The following PCDHGA4 variants were observed in gnomAD, a reference collection of about 807,000 sequenced individuals.
The protein encoded by PCDHGA4 is protocadherin gamma subfamily A, 4.
In PCDHGA4, 38 loss-of-function variants were observed where a neutral mutation model predicts 54.6. That is an observed-to-expected ratio of 0.70 (90% CI 0.54 to 0.91). PCDHGA4 has a LOEUF of 0.91. Among genes scored for constraint, PCDHGA4 ranks in the 40% least tolerant of loss-of-function variants. PCDHGA4 has a pLI of 0.00. For synonymous variants in PCDHGA4, 511 were observed against 512.9 expected (o/e 1.00, Z 0.05); for missense variants, 1,298 against 1,220.9 (o/e 1.06, Z -0.94).
At chr5:141,428,099 C>G (rs1304120001) in intron 1 of PCDHGA4, 4 of 1,608,710 alleles carry the variant, frequency 2.5e-6, no homozygotes, top group Non-Finnish European at 2.5e-6. Flanking sequence ...TGTCCTACCA[C>G]GTGCTGCAGG....
At chr5:141,375,323 G>A in intron 1 of PCDHGA4, 1 of 1,613,814 alleles carries the variant, frequency 6.2e-7, no homozygotes, top group Non-Finnish European at 8.5e-7. Context: ...AGACCGGGAA[G>A]AGGTATTCTT....
At chr5:141,371,504 AAC>A (rs780003626) in intron 1 of PCDHGA4, 7 of 1,613,916 alleles carry the variant, frequency 4.3e-6, no homozygotes, top group Non-Finnish European at 5.9e-6. Context: ...CCCTGATCAA[AAC>A]ACATGATCTA....
At chr5:141,423,084 G>C (rs1427825232) in intron 1 of PCDHGA4, 2 of 1,613,942 alleles carry the variant, frequency 1.2e-6, no homozygotes, top group Non-Finnish European at 1.7e-6. Flanking sequence ...GACTCTTCGC[G>C]GTGGGGGAGC....
chr5:141,403,051 C>G (rs1273209859), intron 1 of PCDHGA4: 1 of 1,614,086 alleles, frequency 6.2e-7, no homozygotes, highest in African/African-American at 1.3e-5. Flanking sequence ...AGATTCGCTA[C>G]TCAGTGCCTG....
intron 2 of PCDHGA4, among the ~76,000 whole-genome samples, chr5:141,498,789 C>T (rs1302940884): frequency 6.6e-6 from 1 of 151,980 alleles, no homozygotes; most frequent in Non-Finnish European, 1.5e-5. Context: ...AAATATTAGC[C>T]AGGTGTGGTG....
intron 1 of PCDHGA4, among the ~76,000 whole-genome samples, chr5:141,469,045 G>C (rs35157158): frequency 1.4e-3 from 207 of 152,234 alleles, no homozygotes; most frequent in Middle Eastern, 0.01. Flanking sequence ...GGGAGGCCAA[G>C]GTGGGAGGAT....
Position 141,485,193 on chromosome 5 carries a change from G to C in PCDHGA4, c.2515-9614G>C. 1 of 1,613,988 alleles carries C rather than the reference G, an allele frequency of 6.2e-7. No individual in the cohort carries two copies. Among genetic ancestry groups the C allele is most frequent in the Non-Finnish European group, 8.5e-7 (1 of 1,179,852 alleles). On this transcript the variant is annotated intron_variant, in intron 1 of 3. Transcript: ENST00000571252. This position sits in a 1 kb window ranked among gnomAD's most constrained non-coding sequence, Gnocchi z 5.7. ...GCAGCAATGCTCCGCAAGGTGAGAA[G>C]CTGGACAGAAATCTGGCGGTGGGCT...
chr5:141,467,897 A>G (rs1403276382), intron 1 of PCDHGA4, among the ~76,000 whole-genome samples: 1 of 152,056 alleles, frequency 6.6e-6, no homozygotes, highest in Non-Finnish European at 1.5e-5. Flanking sequence ...GAGCTCAAGA[A>G]ATCCGCCCAC....
rs1463716042 is a variant in PCDHGA4 at position 141,511,338 on chromosome 5, T to C, written c.*165T>C. 42 of 1,429,834 alleles carry C rather than the reference T, an allele frequency of 2.9e-5. No homozygotes were observed. The highest frequency in any genetic ancestry group is 3.9e-5 in the Non-Finnish European group (42 of 1,075,502). 88.6% of individuals were successfully genotyped at this position (1,429,834 alleles called of 1,614,324 possible). A position where few individuals can be genotyped will look rare whatever the true frequency, so the allele number is the denominator to read the frequency against. On this transcript the variant is annotated 3_prime_UTR_variant, in exon 4 of 4. Coordinates refer to ENST00000571252, the MANE Select transcript of PCDHGA4 (RefSeq NM_018917.4). ...CAGAAACAAGTGCCCAGTCAGCACC[T>C]ACCCCTTCCCCCCCAGGGGGTTGAA... is the stretch of plus-strand genomic sequence containing the variant.
At chr5:141,391,562 C>T (rs927673920) in intron 1 of PCDHGA4, 2 of 152,064 alleles carry the variant, frequency 1.3e-5, no homozygotes, top group Non-Finnish European at 1.5e-5. Flanking sequence ...TTTCCATATG[C>T]ATAAGAAAAT....
chr5:141,361,413 CG>C (rs1007927822), intron 1 of PCDHGA4: 3 of 1,613,902 alleles, frequency 1.9e-6, no homozygotes, highest in South Asian at 2.2e-5. Context: ...CAGCCACCGA[CG>C]GGGGCAAGCC....
At chr5:141,408,052 C>G in intron 1 of PCDHGA4, 1 of 1,283,102 alleles carries the variant, frequency 7.8e-7, no homozygotes, top group Non-Finnish European at 1.0e-6. Flanking sequence ...CACACAGAGC[C>G]TCCCGGCTGC....
rs150878327 is a variant in PCDHGA4 at position 141,438,347 on chromosome 5, C to A, written c.2515-56460C>A. On this transcript the variant is annotated intron_variant, in intron 1 of 3. Coordinates refer to ENST00000571252, the MANE Select transcript of PCDHGA4 (RefSeq NM_018917.4). ...CTTATACATGTCATATAAGGATCTACTCTGTGTATTGTCATTGAGGGCAGA... is the reference window on the plus strand; with the variant it reads ...CTTATACATGTCATATAAGGATCTAATCTGTGTATTGTCATTGAGGGCAGA... Among the ~76,000 whole-genome samples the A allele has an allele frequency of 3.9e-3, 588 of 151,848 alleles. 6 individuals are homozygous for A. Among genetic ancestry groups the A allele is most frequent in the Admixed American group, 0.011 (169 of 15,256 alleles).
chr5:141,427,887 C>A (rs759734297), intron 1 of PCDHGA4: 2 of 1,565,908 alleles, frequency 1.3e-6, no homozygotes, highest in Admixed American at 1.7e-5. Flanking sequence ...GGCCCACGAC[C>A]AGGGCTCGCC....
In PCDHGA4 at chr5:141,491,958, A is replaced by C; in HGVS notation, c.2515-2849A>C. The C allele has an allele frequency of 2.0e-6, 2 of 999,758 alleles. No homozygotes were observed. Among genetic ancestry groups the C allele is most frequent in the Non-Finnish European group, 2.8e-6 (2 of 718,534 alleles). The allele number at this position is 999,758 out of a possible 1,614,324, so 61.9% of individuals were successfully genotyped here. The stretch of plus-strand genomic sequence containing the variant: ...ACCGACCCCCACCCCTACACTCAAA[A>C]AAGGCCGGGGCCTCCTTCGAGCTTC... On this transcript the variant is annotated intron_variant, in intron 1 of 3. Coordinates refer to ENST00000571252, the MANE Select transcript of PCDHGA4 (RefSeq NM_018917.4). The surrounding 1 kb of genome is among the most constrained non-coding windows in gnomAD (Gnocchi z 6.9).
rs1023591745 is a variant in PCDHGA4 at position 141,432,912 on chromosome 5, G to T, written c.2515-61895G>T. 2.5e-6 allele frequency: 4 copies of T among 1,614,160 alleles called. No individual in the cohort carries two copies. Among genetic ancestry groups the T allele is most frequent in the Non-Finnish European group, 3.4e-6 (4 of 1,180,012 alleles). On this transcript the variant is annotated intron_variant, in intron 1 of 3. Transcript: ENST00000571252. The surrounding 1 kb of genome is among the most constrained non-coding windows in gnomAD (Gnocchi z 6.0). Reference sequence around the variant, plus strand: ...TTGCTGCTGGCGCTCAGGCTGCGGCGCTGGCACAAGTCACGCCTGCTGCAG... The same window carrying T: ...TTGCTGCTGGCGCTCAGGCTGCGGCTCTGGCACAAGTCACGCCTGCTGCAG...
intron 1 of PCDHGA4, chr5:141,383,640 C>A (rs1305472453): frequency 3.1e-6 from 5 of 1,613,848 alleles, no homozygotes; most frequent in Non-Finnish European, 4.2e-6. Flanking sequence ...TGCCTCAGTA[C>A]CAAGTAACTG....
rs761940200 is a variant in PCDHGA4, at chr5:141,357,552, T to C, written c.2445T>C (p.Ser815=). The change falls in exon 1 of 4, where the codon AGT becomes AGC. Residue 815 remains serine, a synonymous_variant. Transcript: ENST00000571252. ...SYADTLISRE[S]CEKSEPLLIT... ...CAGACACGCTCATCAGCCGGGAGAG[T>C]TGTGAGAAAAGCGAGCCTCTTCTGA... is the stretch of plus-strand genomic sequence containing the variant. 4 of 1,613,800 alleles carry C rather than the reference T, an allele frequency of 2.5e-6. No homozygotes were observed. The highest frequency in any genetic ancestry group is 2.2e-5 in the South Asian group (2 of 91,082).
chr5:141,373,547 T>C (rs1363440300), intron 1 of PCDHGA4, among the ~76,000 whole-genome samples: 2 of 152,240 alleles, frequency 1.3e-5, no homozygotes, highest in African/African-American at 4.8e-5. Flanking sequence ...TGGTTGTTGG[T>C]ACCCTTACTG....
Sources: gnomAD v4.1 joint callset for allele counts (sites outside exome capture counted in the v4.1 genomes callset) on GRCh38, gnomAD v4.1.1 for gene constraint, Gnocchi (gnomAD v3.1) non-coding constraint, MANE v1.5 for transcripts, NCBI Gene and HGNC (gene_info 2026-07-23, HGNC 2026-07-21) for gene names.